Variants in COL3A1 observed in about 807,000 individuals in gnomAD.
COL3A1 encodes collagen type III alpha 1 chain.
In COL3A1, 46 loss-of-function variants were observed where a neutral mutation model predicts 200.9. The ratio of observed to expected loss-of-function variants is 0.23; its 90% CI spans 0.18 to 0.29. COL3A1 has a LOEUF of 0.29. Ranked by LOEUF, COL3A1 falls within the 10% of genes least tolerant of loss-of-function variation. COL3A1 has a pLI of 1.00. For synonymous variants in COL3A1, 650 were observed against 628.0 expected (o/e 1.03, Z -0.52); for missense variants, 1,367 against 1,917.6 (o/e 0.71, Z 5.36).
rs60243485 is a variant in COL3A1, at chr2:189,007,161, T to TGATA, written c.3255+218_3255+221dup. 0.02 allele frequency among the ~76,000 whole-genome samples: 2,343 copies of TGATA among 116,214 alleles called. 33 individuals are homozygous for TGATA. Among genetic ancestry groups the TGATA allele is most frequent in the East Asian group, 0.028 (99 of 3,540 alleles). The allele number at this position is 116,214 out of a possible 152,430, so 76.2% of individuals were successfully genotyped here. ...TATATTTGTTCTATCTATAGATAGA[T>TGATA]GATAGATAGATAGATAGATAGATAG... On this transcript the variant is annotated intron_variant, in intron 44 of 50. Coordinates refer to ENST00000304636, the MANE Select transcript of COL3A1 (RefSeq NM_000090.4).
chr2:188,999,945 G>C, intron 32 of COL3A1, 50 bp downstream of exon 32: 1 of 1,538,536 alleles, frequency 6.5e-7, no homozygotes, highest in Non-Finnish European at 8.9e-7. Context: ...TGTCATATGG[G>C]ACAGTCCTGC....
intron 1 of COL3A1, among the ~76,000 whole-genome samples, chr2:188,979,313 G>T (rs1344908932): frequency 1.3e-5 from 2 of 151,890 alleles, no homozygotes; most frequent in Admixed American, 6.6e-5. Context: ...CAACGTTCCA[G>T]TTTCATTCAG....
At chr2:188,977,951 G>C (rs1393578527) in intron 1 of COL3A1, 4 of 209,106 alleles carry the variant, frequency 1.9e-5, no homozygotes, top group Non-Finnish European at 4.3e-5. Flanking sequence ...CCAGTTCTGT[G>C]TGAGTAAATA....
Position 188,996,394 on chromosome 2 carries a change from T to C in COL3A1, c.1663-4T>C, listed in dbSNP as rs952413096. The C allele has an allele frequency of 6.2e-7, 1 of 1,612,070 alleles. No individual in the cohort carries two copies. Among genetic ancestry groups the C allele is most frequent in the Non-Finnish European group, 8.5e-7 (1 of 1,178,506 alleles). ...CCTTTATTAATGTAATTTTTTCTTA[T>C]TAGGGAAGTCAAGGAGAAAGTGGTC... is the stretch of plus-strand genomic sequence containing the variant. On this transcript the variant is annotated splice_region_variant and splice_polypyrimidine_tract_variant and intron_variant, in intron 23 of 50. Transcript: ENST00000304636.
intron 36 of COL3A1, 138 bp from the exon 37 acceptor site, chr2:189,003,273 C>T: frequency 1.3e-6 from 1 of 794,388 alleles, no homozygotes; most frequent in Non-Finnish European, 2.2e-6. Flanking sequence ...GAATATAGTC[C>T]AAGTATGAAT....
intron 21 of COL3A1, 120 bp downstream of exon 21, chr2:188,995,219 A>G (rs1296853536): frequency 1.0e-6 from 1 of 981,812 alleles, no homozygotes; most frequent in African/African-American, 1.7e-5. Context: ...AGTTAAGAAA[A>G]ATTCCTAATA....
In COL3A1 at chr2:189,011,962, T is replaced by A; in HGVS notation, c.*188T>A. ...TTTTTTGCTGTTCCACCAAATACAATTCAAATGCTTTTTGTTTTATTTTTT... is the reference window on the plus strand; with the variant it reads ...TTTTTTGCTGTTCCACCAAATACAAATCAAATGCTTTTTGTTTTATTTTTT... On this transcript the variant is annotated 3_prime_UTR_variant, in exon 51 of 51. Transcript: ENST00000304636. 1 of 638,146 alleles carries A rather than the reference T, an allele frequency of 1.6e-6. No individual in the cohort carries two copies. The highest frequency in any genetic ancestry group is 2.0e-5 in the South Asian group (1 of 50,328). The allele number at this position is 638,146 out of a possible 1,614,324, so 39.5% of individuals were successfully genotyped here.
rs376455586 is a variant in COL3A1 at position 188,975,745 on chromosome 2, C to A, written c.79+1177C>A. Among the ~76,000 whole-genome samples the A allele has an allele frequency of 9.9e-5, 15 of 152,086 alleles. No individual in the cohort carries two copies. In the East Asian group the frequency reaches 2.9e-3, roughly 29 times the overall value. On this transcript the variant is annotated intron_variant, in intron 1 of 50. Transcript: ENST00000304636. ...TTCAGTTATATTCAGCCCATGGACA[C>A]AAAAGAAAAGAAACACCCATTTTCC...
chr2:189,008,937 A>G lies in COL3A1; in HGVS notation c.3539A>G (p.His1180Arg). Reference sequence around the variant, plus strand: ...TACTCATTCTAGGGCTCCCCAGGCCACCCAGGGCAACCAGGCCCTCCTGGA... The same window carrying G: ...TACTCATTCTAGGGCTCCCCAGGCCGCCCAGGGCAACCAGGCCCTCCTGGA... ...GERGSEGSPG[H>R]PGQPGPPGPP... is the part of the protein sequence containing the mutation. The change falls in exon 48 of 51, where the codon CAC becomes CGC. Residue 1180 changes from histidine to arginine, a missense_variant. Coordinates refer to ENST00000304636, the MANE Select transcript of COL3A1 (RefSeq NM_000090.4). 1 of 1,613,972 alleles carries G rather than the reference A, an allele frequency of 6.2e-7. No homozygotes were observed. Among genetic ancestry groups the G allele is most frequent in the Non-Finnish European group, 8.5e-7 (1 of 1,179,990 alleles).
Position 189,001,539 on chromosome 2 carries a change from G to A in COL3A1, c.2341G>A (p.Glu781Lys), listed in dbSNP as rs779648591. ...GACATGGCTTCTCTTTTTCCAGGGT[G>A]AAGGTGGTGCCCCCGGACTTCCAGG... The part of the protein sequence containing the change: ...GPAGQPGDKG[E>K]GGAPGLPGIA... Residue 781 changes from glutamate to lysine, a missense_variant, in exon 34 of 51, where the codon GAA (glutamate) becomes AAA (lysine). Coordinates refer to ENST00000304636, the MANE Select transcript of COL3A1 (RefSeq NM_000090.4). 2 of 1,614,116 alleles carry A rather than the reference G, an allele frequency of 1.2e-6. No individual in the cohort carries two copies. Among genetic ancestry groups the A allele is most frequent in the South Asian group, 1.1e-5 (1 of 91,078 alleles).
intron 10 of COL3A1, 39 bp from the exon 11 acceptor site, chr2:188,990,965 C>T (rs978232182): frequency 6.4e-7 from 1 of 1,574,052 alleles, no homozygotes; most frequent in East Asian, 2.2e-5. Flanking sequence ...AGATTATTAA[C>T]AGATTTTAAT....
At chr2:188,987,897 A>G (rs960298176) in intron 5 of COL3A1, among the ~76,000 whole-genome samples, 184 bp from the exon 6 acceptor site, 1 of 152,106 alleles carries the variant, frequency 6.6e-6, no homozygotes, top group Non-Finnish European at 1.5e-5. Context: ...TGAGAATTTC[A>G]TTACAGTAAT....
rs1005624838 is a variant in COL3A1, at chr2:188,994,959, T to C, written c.1456-87T>C. 118 of 1,554,816 alleles carry C rather than the reference T, an allele frequency of 7.6e-5. No homozygotes were observed. Among genetic ancestry groups the C allele is most frequent in the Non-Finnish European group, 9.1e-5 (103 of 1,126,466 alleles). ...AGTGAAAATATTGTTTAAAGCATTC[T>C]ATGACATAAAAATATTTGCCACTCA... On this transcript the variant is annotated intron_variant, in intron 20 of 50. Transcript: ENST00000304636. This position sits in a 1 kb window ranked among gnomAD's most constrained non-coding sequence, Gnocchi z 4.5.
chr2:189,010,959 T>C, intron 50 of COL3A1, 69 bp downstream of exon 50: 2 of 1,575,630 alleles, frequency 1.3e-6, no homozygotes. Context: ...GCAAATTATT[T>C]TGAATAGAAT....
intron 1 of COL3A1, among the ~76,000 whole-genome samples, chr2:188,978,834 T>G (rs1297343438): frequency 6.6e-6 from 1 of 151,722 alleles, no homozygotes; most frequent in East Asian, 1.9e-4. Flanking sequence ...CTTTGCCTGT[T>G]TCATGTCAAG....
chr2:188,988,979 T>A (rs1193308799), intron 7 of COL3A1, among the ~76,000 whole-genome samples: 1 of 151,730 alleles, frequency 6.6e-6, no homozygotes, highest in South Asian at 2.1e-4. Flanking sequence ...TAGTTATATA[T>A]TTACATATGT....
chr2:188,994,434 T>G lies in COL3A1; in HGVS notation c.1293+102T>G. On this transcript the variant is annotated intron_variant, in intron 18 of 50. Transcript: ENST00000304636. The surrounding 1 kb of genome is among the most constrained non-coding windows in gnomAD (Gnocchi z 4.5). ...TTGCTCCTGTTCAGTTGAATTTATA[T>G]TGACTTCACTCTTGTCTTATAACTT... 6.4e-7 allele frequency: 1 copy of G among 1,565,972 alleles called. No homozygotes were observed. Among genetic ancestry groups the G allele is most frequent in the Non-Finnish European group, 8.8e-7 (1 of 1,138,090 alleles).
intron 1 of COL3A1, chr2:188,977,998 C>T (rs540152852): frequency 8.9e-5 from 31 of 348,342 alleles, no homozygotes; most frequent in South Asian, 2.9e-4. Flanking sequence ...ATCCATGATA[C>T]CTTGTATTTA....
rs1258076833 is a variant in COL3A1 at position 189,011,818 on chromosome 2, T to A, written c.*44T>A. 6.2e-7 allele frequency: 1 copy of A among 1,606,338 alleles called. No homozygotes were observed. Among genetic ancestry groups the A allele is most frequent in the African/African-American group, 1.3e-5 (1 of 74,844 alleles). ...TCCCAACAAAAAAAATTTAACTCCA[T>A]ATGTGTTCCTCTTGTTCTAATCTTG... On this transcript the variant is annotated 3_prime_UTR_variant, in exon 51 of 51. Transcript: ENST00000304636.
Sources: allele counts gnomAD v4.1 joint callset (sites outside exome capture counted in the v4.1 genomes callset), GRCh38; gene constraint gnomAD v4.1.1; non-coding constraint Gnocchi (gnomAD v3.1); transcripts MANE v1.5; gene names NCBI Gene and HGNC (gene_info 2026-07-23, HGNC 2026-07-21).